Variants in CFAP69 observed in about 807,000 individuals in gnomAD.
The protein encoded by CFAP69 is cilia and flagella associated protein 69, also known as cilia- and flagella-associated protein 69.
A neutral mutation model predicts 123.0 loss-of-function variants in CFAP69; 92 were observed. The observed-to-expected ratio is 0.75, with a 90% CI of 0.63 to 0.89. The LOEUF is 0.89. Ranked by LOEUF, CFAP69 falls within the 40% of genes least tolerant of loss-of-function variation. The pLI is 0.00. For synonymous variants in CFAP69, 380 were observed against 364.3 expected (o/e 1.04, Z -0.49); for missense variants, 1,067 against 1,096.9 (o/e 0.97, Z 0.39).
At chr7:90,270,366 T>C (rs991636211) in intron 6 of CFAP69, 2 of 152,186 alleles carry the variant, frequency 1.3e-5, no homozygotes, top group Non-Finnish European at 2.9e-5. Context: ...AAGCTTACAA[T>C]AAAAGTTTTA....
chr7:90,290,653 T>A (rs1486918555), intron 15 of CFAP69, among the ~76,000 whole-genome samples: 1 of 152,192 alleles, frequency 6.6e-6, no homozygotes, highest in Non-Finnish European at 1.5e-5. Context: ...GCATTTCATA[T>A]ACCAGCCTCT....
the CFAP69 span, among the ~76,000 whole-genome samples, chr7:90,319,904 C>T: frequency 8.1e-3 from 1,241 of 152,318 alleles, 16 homozygotes; most frequent in African/African-American, 0.029. Context: ...CTGATTATCA[C>T]ATCTTCCTTT....
At chr7:90,298,379 C>A (rs1437100370) in intron 16 of CFAP69, among the ~76,000 whole-genome samples, 1 of 152,080 alleles carries the variant, frequency 6.6e-6, no homozygotes, top group African/African-American at 2.4e-5. Context: ...AGAATATAGC[C>A]CCTTACTAGC....
intron 5 of CFAP69, among the ~76,000 whole-genome samples, chr7:90,265,615 G>T (rs956733645): frequency 2.6e-5 from 4 of 152,192 alleles, no homozygotes; most frequent in African/African-American, 9.7e-5. Flanking sequence ...GGCTGATAAT[G>T]TAGTTTGATG....
At chr7:90,259,370 C>T (rs575744446) in intron 3 of CFAP69, among the ~76,000 whole-genome samples, 92 of 152,302 alleles carry the variant, frequency 6.0e-4, no homozygotes, top group African/African-American at 2.1e-3. Flanking sequence ...GATTTTGACA[C>T]TATACTCCAG....
At position 90,297,737 on chromosome 7, in the gene CFAP69, T is replaced by C. The variant is rs759103105; in HGVS notation, c.1776-12T>C. On this transcript the variant is annotated splice_polypyrimidine_tract_variant and intron_variant, in intron 15 of 22. Coordinates refer to ENST00000389297, the MANE Select transcript of CFAP69 (RefSeq NM_001039706.3). ...AATGTTTGTCAAATGAATAACTTTC[T>C]TTTAATTTAAGGTGCTGTATTTTGG... 1 of 1,528,654 alleles carries C rather than the reference T, an allele frequency of 6.5e-7. No homozygotes were observed. Among genetic ancestry groups the C allele is most frequent in the South Asian group, 1.2e-5 (1 of 84,232 alleles). 94.7% of individuals were successfully genotyped at this position (1,528,654 alleles called of 1,614,324 possible). A position where few individuals can be genotyped will look rare whatever the true frequency, so the allele number is the denominator to read the frequency against.
At chr7:90,289,566 C>A (rs944393640) in intron 15 of CFAP69, among the ~76,000 whole-genome samples, 6 of 152,096 alleles carry the variant, frequency 3.9e-5, no homozygotes, top group Admixed American at 3.9e-4. Context: ...TTCTGCCACT[C>A]TGAGGCTTAC....
At chr7:90,307,908 C>A in intron 21 of CFAP69, 54 bp downstream of exon 21, 1 of 1,101,406 alleles carries the variant, frequency 9.1e-7, no homozygotes, top group Non-Finnish European at 1.3e-6. Context: ...CTCTTACAGA[C>A]AGACTTTTTC....
chr7:90,319,829 G>C, the CFAP69 span: 1 of 397,526 alleles, frequency 2.5e-6, no homozygotes, highest in African/African-American at 2.1e-5. Context: ...AAAACTGTAA[G>C]TACACATATA....
intron 16 of CFAP69, among the ~76,000 whole-genome samples, chr7:90,298,635 T>C (rs1380843986): frequency 1.3e-5 from 2 of 152,196 alleles, no homozygotes; most frequent in Non-Finnish European, 2.9e-5. Context: ...CTTTTCGATT[T>C]CTTTACCTGT....
intron 4 of CFAP69, 48 bp from the exon 5 acceptor site, chr7:90,265,253 A>T: frequency 8.3e-7 from 1 of 1,210,430 alleles, no homozygotes. Flanking sequence ...TGCTTCAATT[A>T]AAGACTTTAT....
Position 90,271,765 on chromosome 7 carries a change from T to C in CFAP69, c.683-16T>C, listed in dbSNP as rs762948099. On this transcript the variant is annotated splice_polypyrimidine_tract_variant and intron_variant, in intron 7 of 22. Transcript: ENST00000389297. ...AATATTGTAAAGCACAAATAATTTT[T>C]AAAATTTATTTTCAGAAGTTAATTG... 7 of 1,577,600 alleles carry C rather than the reference T, an allele frequency of 4.4e-6. No individual in the cohort carries two copies. The Admixed American group carries it at 1.3e-4, about 30-fold the overall frequency.
chr7:90,320,244 A>G, the CFAP69 span: 1 of 152,320 alleles, frequency 6.6e-6, no homozygotes, highest in East Asian at 1.9e-4. Flanking sequence ...AAATGGTACT[A>G]GATCTCACAA....
intron 13 of CFAP69, among the ~76,000 whole-genome samples, chr7:90,285,263 C>T (rs920855601): frequency 6.6e-6 from 1 of 152,142 alleles, no homozygotes; most frequent in Non-Finnish European, 1.5e-5. Context: ...TGATCCCCCA[C>T]CTGTAATTCA....
chr7:90,262,332 G>A (rs1180357823), intron 4 of CFAP69, among the ~76,000 whole-genome samples: 1 of 152,024 alleles, frequency 6.6e-6, no homozygotes, highest in Admixed American at 6.6e-5. Flanking sequence ...TGTAACCAAG[G>A]AATTATAGTA....
chr7:90,273,835 C>T, intron 8 of CFAP69, 152 bp from the exon 9 acceptor site: 1 of 535,514 alleles, frequency 1.9e-6, no homozygotes, highest in Non-Finnish European at 3.2e-6. Context: ...TATAAGGGCA[C>T]TAATTCCATT....
At chr7:90,320,110 C>T in the CFAP69 span, among the ~76,000 whole-genome samples, 6 of 152,196 alleles carry the variant, frequency 3.9e-5, no homozygotes, top group Non-Finnish European at 8.8e-5. Flanking sequence ...CTTCAGACTC[C>T]TGACTGCCTA....
rs750500154 is a variant in CFAP69 at position 90,307,860 on chromosome 7, A to T, written c.2550+6A>T. On this transcript the variant is annotated splice_donor_region_variant and intron_variant, in intron 21 of 22. Coordinates refer to ENST00000389297, the MANE Select transcript of CFAP69 (RefSeq NM_001039706.3). ...CAAACGCTAAAACGTTAAAGGTAGG[A>T]TTTTTAATGTATTATAGTATCCACA... 6.3e-7 allele frequency: 1 copy of T among 1,580,834 alleles called. No homozygotes were observed. The highest frequency in any genetic ancestry group is 1.1e-5 in the South Asian group (1 of 88,652).
chr7:90,266,448 G>A (rs985666694), intron 5 of CFAP69, among the ~76,000 whole-genome samples: 1 of 152,148 alleles, frequency 6.6e-6, no homozygotes, highest in Non-Finnish European at 1.5e-5. Flanking sequence ...CAACCCAAAA[G>A]AGGACATGGT....
Sources: gnomAD v4.1 joint callset for allele counts (sites outside exome capture counted in the v4.1 genomes callset) on GRCh38, gnomAD v4.1.1 for gene constraint, MANE v1.5 for transcripts, NCBI Gene and HGNC (gene_info 2026-07-23, HGNC 2026-07-21) for gene names.